Variants in LARP4 observed in about 807,000 individuals in gnomAD.
The protein encoded by LARP4 is la-related protein 4.
LARP4 carries 29 observed loss-of-function variants against 92.9 expected under a neutral mutation model. The observed-to-expected ratio is 0.31, with a 90% CI of 0.23 to 0.43. The LOEUF (loss-of-function observed/expected upper bound fraction) is 0.43. Ranked by LOEUF, LARP4 falls within the 20% of genes least tolerant of loss-of-function variation. The pLI, the probability that LARP4 is intolerant of heterozygous loss-of-function variation, is 1.00. For missense variants in LARP4, 732 were observed against 860.0 expected (o/e 0.85, Z 1.86); for synonymous variants, 279 against 284.1 (o/e 0.98, Z 0.18).
chr12:50,449,321 G>T (rs1344509479), intron 8 of LARP4, among the ~76,000 whole-genome samples: 1 of 152,070 alleles, frequency 6.6e-6, no homozygotes, highest in Admixed American at 6.6e-5. Context: ...GAAGTTTATG[G>T]GTAAGATAAT....
intron 7 of LARP4, chr12:50,441,313 G>T: frequency 7.7e-6 from 2 of 260,056 alleles, no homozygotes; most frequent in Non-Finnish European, 1.5e-5. Flanking sequence ...TTAGAAAGTT[G>T]ATCATTTTTA....
chr12:50,466,634 C>T (rs1956188061), intron 12 of LARP4, among the ~76,000 whole-genome samples: 1 of 151,670 alleles, frequency 6.6e-6, no homozygotes, highest in South Asian at 2.1e-4. Context: ...GAGTTGATAG[C>T]AAATTTAGGT....
intron 10 of LARP4, among the ~76,000 whole-genome samples, chr12:50,457,756 A>G (rs1954586003): frequency 6.6e-6 from 1 of 151,534 alleles, no homozygotes. Flanking sequence ...AGAGGTTGTA[A>G]TGAGCTGAGA....
chr12:50,408,257 G>A (rs1378799712), intron 1 of LARP4, among the ~76,000 whole-genome samples: 2 of 142,034 alleles, frequency 1.4e-5, no homozygotes, highest in Non-Finnish European at 3.0e-5. Flanking sequence ...GAGTGCAATG[G>A]TGTGATCTCA....
intron 4 of LARP4, among the ~76,000 whole-genome samples, chr12:50,434,331 T>C (rs184435136): frequency 5.3e-4 from 81 of 152,218 alleles, no homozygotes; most frequent in Middle Eastern, 3.4e-3. Context: ...ATGTGTAAGA[T>C]GCAAGTGTTT....
At chr12:50,451,305 A>G (rs1480466439) in intron 8 of LARP4, among the ~76,000 whole-genome samples, 1 of 152,170 alleles carries the variant, frequency 6.6e-6, no homozygotes, top group Non-Finnish European at 1.5e-5. Context: ...TACAAGTGAG[A>G]TCATGCAGTG....
chr12:50,409,808 A>ATTATTTTTT (rs1555225140), intron 1 of LARP4, among the ~76,000 whole-genome samples: 44 of 149,928 alleles, frequency 2.9e-4, no homozygotes, highest in African/African-American at 9.3e-4. Context: ...TATTATTATT[A>ATTATTTTTT]TTTTTTTAAG....
intron 1 of LARP4, chr12:50,401,383 G>T: frequency 4.0e-6 from 1 of 247,634 alleles, no homozygotes; most frequent in Non-Finnish European, 7.8e-6. Flanking sequence ...GGGTAATCAG[G>T]TGGGCGCGTT....
chr12:50,441,357 C>G, intron 7 of LARP4: 1 of 346,766 alleles, frequency 2.9e-6, no homozygotes, highest in Non-Finnish European at 5.3e-6. Flanking sequence ...GGTCTGTTTT[C>G]AATCCTAATG....
At chr12:50,424,636 G>A (rs1334839579) in intron 1 of LARP4, among the ~76,000 whole-genome samples, 1 of 151,872 alleles carries the variant, frequency 6.6e-6, no homozygotes, top group African/African-American at 2.4e-5. Flanking sequence ...GGGATTACAG[G>A]CGTGAGCCAC....
At chr12:50,412,343 C>A in intron 1 of LARP4, 1 of 680,476 alleles carries the variant, frequency 1.5e-6, no homozygotes, top group Non-Finnish European at 1.8e-6. Flanking sequence ...AAAATTGAAC[C>A]TGGATGATTG....
At chr12:50,409,935 C>G (rs7304630) in intron 1 of LARP4, among the ~76,000 whole-genome samples, 126,566 of 151,494 alleles carry the variant, frequency 0.84, 55,366 homozygotes, top group East Asian at 0.98. Flanking sequence ...TGAGATTACA[C>G]ACAGGTACCA....
chr12:50,401,245 T>A, intron 1 of LARP4: 1 of 621,844 alleles, frequency 1.6e-6, no homozygotes, highest in East Asian at 2.7e-5. Context: ...TGGAGAAGAA[T>A]TGAAGGAGAA....
chr12:50,454,175 C>G, intron 9 of LARP4, 139 bp from the exon 10 acceptor site: 1 of 595,644 alleles, frequency 1.7e-6, no homozygotes, highest in Non-Finnish European at 2.9e-6. Flanking sequence ...GTGAATATTG[C>G]AGAAATGAAT....
At chr12:50,456,681 C>G (rs1447443947) in intron 10 of LARP4, among the ~76,000 whole-genome samples, 1 of 152,102 alleles carries the variant, frequency 6.6e-6, no homozygotes, top group Non-Finnish European at 1.5e-5. Flanking sequence ...CTTCTCTTTT[C>G]TGTCTTTTAT....
At chr12:50,418,533 C>A (rs1312030288) in intron 1 of LARP4, among the ~76,000 whole-genome samples, 1 of 152,156 alleles carries the variant, frequency 6.6e-6, no homozygotes, top group Non-Finnish European at 1.5e-5. Context: ...GATCCTCTTG[C>A]CTCAGGCTCT....
chr12:50,451,712 C>G (rs1953224688), intron 8 of LARP4, among the ~76,000 whole-genome samples: 1 of 152,154 alleles, frequency 6.6e-6, no homozygotes, highest in South Asian at 2.1e-4. Context: ...CTGTATGTGC[C>G]TGTAATCCCA....
chr12:50,426,709 GTGTGTGTGTGTGTGTGTGTGTGGT>G (rs1565986684), intron 1 of LARP4, among the ~76,000 whole-genome samples: 3 of 139,746 alleles, frequency 2.1e-5, no homozygotes, highest in African/African-American at 8.4e-5. Context: ...GTGTGTGTGT[GTGTGTGTGTGTGTGTGTGTGTGGT>G]TTTTTTTTTT....
intron 1 of LARP4, among the ~76,000 whole-genome samples, chr12:50,413,795 A>G (rs988128489): frequency 6.6e-6 from 1 of 152,234 alleles, no homozygotes; most frequent in Non-Finnish European, 1.5e-5. Flanking sequence ...GCGTAACTAT[A>G]GTATGGTATA....
Sources: allele counts gnomAD v4.1 joint callset (sites outside exome capture counted in the v4.1 genomes callset), GRCh38; gene constraint gnomAD v4.1.1; transcripts MANE v1.5; gene names NCBI Gene and HGNC (gene_info 2026-07-23, HGNC 2026-07-21).